ASPRV1: variants seen among roughly 807,000 people sequenced by gnomAD.
The protein encoded by ASPRV1 is aspartic peptidase retroviral like 1, also known as retroviral-like aspartic protease 1.
A neutral mutation model predicts 11.0 loss-of-function variants in ASPRV1; 7 were observed. The ratio of observed to expected loss-of-function variants is 0.64; its 90% confidence interval spans 0.36 to 1.20. The LOEUF (loss-of-function observed/expected upper bound fraction) is 1.20. ASPRV1 is among the 50% of genes most tolerant of loss of function. The pLI, the probability that ASPRV1 is intolerant of heterozygous loss-of-function variation, is 0.02. For missense variants in ASPRV1, 299 were observed against 320.0 expected, an observed-to-expected ratio of 0.93 and a Z score of 0.50; for synonymous variants, 136 against 138.4, an observed-to-expected ratio of 0.98 and a Z score of 0.12.
In ASPRV1 at chr2:69,961,151, TG is replaced by T. The variant is rs751747496; in HGVS notation, c.285del (p.Ser96AlafsTer28). 3.1e-5 allele frequency: 50 copies of T among 1,613,734 alleles called. No homozygotes were observed. The highest frequency in any genetic ancestry group is 3.1e-5 in the Non-Finnish European group (37 of 1,179,872). ...AAGACGATCTCTTTGGGCAGGTGGC[TG>T]GGGGCAGCCCCAGGGACCCCAAAGG... ...LKAFGVPGAA[P>X]SHLPKEIVFA... is the part of the protein sequence containing the mutation. On this transcript the variant is annotated frameshift_variant, in exon 1 of 1. Transcript: ENST00000320256. LOFTEE classifies it high-confidence loss of function.
At chr2:69,969,675 C>T in the ASPRV1 span, among the ~76,000 whole-genome samples, 12 of 152,260 alleles carry the variant, frequency 7.9e-5, no homozygotes, top group South Asian at 1.7e-3. Context: ...GCCCACCTTA[C>T]ATGTCTGCCT....
the ASPRV1 span, among the ~76,000 whole-genome samples, chr2:69,995,633 C>G: frequency 1.3e-5 from 2 of 152,078 alleles, no homozygotes; most frequent in African/African-American, 4.8e-5. Context: ...CTGGAAGGGA[C>G]AGAGGAGTCT....
the ASPRV1 span, among the ~76,000 whole-genome samples, chr2:70,057,236 T>C: frequency 6.6e-6 from 1 of 151,430 alleles, no homozygotes; most frequent in Non-Finnish European, 1.5e-5. Flanking sequence ...AACCCATCTC[T>C]ATTAAAAAAA....
chr2:69,957,364 T>G (rs1417194686), downstream of ASPRV1, among the ~76,000 whole-genome samples: 2 of 151,836 alleles, frequency 1.3e-5, no homozygotes, highest in Non-Finnish European at 2.9e-5. Context: ...GGAAACTGGG[T>G]GAAACGTGGA....
downstream of ASPRV1, among the ~76,000 whole-genome samples, chr2:69,956,298 T>C (rs1050628723): frequency 6.6e-6 from 1 of 151,886 alleles, no homozygotes; most frequent in East Asian, 1.9e-4. Flanking sequence ...GGCCAGCTAA[T>C]AGGTATAGAA....
chr2:70,037,411 C>T, the ASPRV1 span, among the ~76,000 whole-genome samples: 1 of 152,186 alleles, frequency 6.6e-6, no homozygotes, highest in Non-Finnish European at 1.5e-5. Context: ...GCAACCTCCG[C>T]CTCCTGCATT....
the ASPRV1 span, among the ~76,000 whole-genome samples, chr2:70,082,879 G>A: frequency 1.3e-5 from 2 of 152,038 alleles, no homozygotes; most frequent in Admixed American, 6.6e-5. Context: ...GGGTGACAGA[G>A]CAAGACCTTC....
the ASPRV1 span, among the ~76,000 whole-genome samples, chr2:70,035,407 TA>T: frequency 6.6e-6 from 1 of 152,092 alleles, no homozygotes; most frequent in African/African-American, 2.4e-5. Context: ...GACTTGTCCC[TA>T]AACAACCCAG....
the ASPRV1 span, chr2:70,050,832 A>G: frequency 2.0e-5 from 3 of 152,098 alleles, no homozygotes; most frequent in Non-Finnish European, 4.4e-5. Context: ...AGGCCCAGCT[A>G]CTCACGAGGC....
the ASPRV1 span, among the ~76,000 whole-genome samples, chr2:70,041,865 C>T: frequency 6.6e-6 from 1 of 152,148 alleles, no homozygotes; most frequent in Non-Finnish European, 1.5e-5. Flanking sequence ...CAGAATTCTT[C>T]CTTCCTCCCT....
the ASPRV1 span, among the ~76,000 whole-genome samples, chr2:69,991,734 A>C: frequency 6.6e-6 from 1 of 151,966 alleles, no homozygotes; most frequent in African/African-American, 2.4e-5. Context: ...TTTAGTAGAG[A>C]GGGGTTTCAC....
upstream of ASPRV1, among the ~76,000 whole-genome samples, chr2:69,965,448 AAAAAACAAAAAC>A (rs370106179): frequency 0.023 from 3,460 of 150,504 alleles, 335 homozygotes; most frequent in Admixed American, 0.16. Context: ...TGGGCTAAAA[AAAAAACAAAAAC>A]AAAAACAAAA....
chr2:70,058,392 G>A, the ASPRV1 span, among the ~76,000 whole-genome samples: 44 of 151,936 alleles, frequency 2.9e-4, no homozygotes, highest in African/African-American at 6.3e-4. Flanking sequence ...ACAGGCACGC[G>A]CCACTGCACT....
chr2:69,987,270 G>A, the ASPRV1 span, among the ~76,000 whole-genome samples: 2 of 151,864 alleles, frequency 1.3e-5, no homozygotes, highest in African/African-American at 4.8e-5. Flanking sequence ...GTTCCCCAAG[G>A]CTACATCCTT....
At chr2:69,945,470 C>T in the ASPRV1 span, among the ~76,000 whole-genome samples, 1 of 152,230 alleles carries the variant, frequency 6.6e-6, no homozygotes, top group East Asian at 1.9e-4. Flanking sequence ...ATTCTGGAGT[C>T]ATTGCCTCTG....
rs746968623 is a variant in ASPRV1, at chr2:69,960,922, A to C, written c.515T>G (p.Val172Gly). 3.7e-6 allele frequency: 6 copies of C among 1,614,004 alleles called. No homozygotes were observed. Among genetic ancestry groups the C allele is most frequent in the Non-Finnish European group, 5.1e-6 (6 of 1,179,992 alleles). Residue 172 changes from valine (V) to glycine (G), a missense_variant, in exon 1 of 1, where the codon GTC becomes GGC. By Grantham distance (109) the Val-to-Gly change is moderately radical. Transcript: ENST00000320256. ...GCCTAGGGACACCGCTGTATCCCAGACACCCAGGATCTTCATTTCAGCACC... is the reference window on the plus strand; with the variant it reads ...GCCTAGGGACACCGCTGTATCCCAGCCACCCAGGATCTTCATTTCAGCACC... ...ANGAEMKILG[V>G]WDTAVSLGKL...
chr2:70,024,088 T>TTA, the ASPRV1 span, among the ~76,000 whole-genome samples: 2 of 124,070 alleles, frequency 1.6e-5, no homozygotes, highest in Non-Finnish European at 3.5e-5. Flanking sequence ...CCGTCACTAT[T>TTA]AAAAAAAAAA....
the ASPRV1 span, among the ~76,000 whole-genome samples, chr2:69,981,517 G>A: frequency 1.3e-5 from 2 of 152,176 alleles, no homozygotes; most frequent in African/African-American, 4.8e-5. Context: ...TTTACACAAA[G>A]AAATATGTTT....
At chr2:70,081,729 G>A in the ASPRV1 span, among the ~76,000 whole-genome samples, 1 of 151,738 alleles carries the variant, frequency 6.6e-6, no homozygotes, top group South Asian at 2.1e-4. Flanking sequence ...GACTACAGGT[G>A]CACGCCACCA....
Sources: allele counts gnomAD v4.1 joint callset (sites outside exome capture counted in the v4.1 genomes callset), GRCh38; gene constraint gnomAD v4.1.1; transcripts MANE v1.5; gene names NCBI Gene and HGNC (gene_info 2026-07-23, HGNC 2026-07-21).